CALD1: variants seen among roughly 807,000 people sequenced by gnomAD.
CALD1 encodes the protein caldesmon.
In CALD1, 33 loss-of-function variants were observed where a neutral mutation model predicts 99.9. The ratio of observed to expected loss-of-function variants is 0.33; its 90% CI spans 0.25 to 0.44. The LOEUF (loss-of-function observed/expected upper bound fraction) is 0.44, where lower values mean the gene tolerates loss of function less well. Ranked by LOEUF, CALD1 falls within the 20% of genes least tolerant of loss-of-function variation. The pLI is 1.00. For synonymous variants in CALD1, 310 were observed against 325.0 expected (o/e 0.95, Z 0.50); for missense variants, 861 against 962.1 (o/e 0.89, Z 1.39).
chr7:134,904,435 G>T (rs543664421), intron 3 of CALD1, among the ~76,000 whole-genome samples: 18 of 151,984 alleles, frequency 1.2e-4, no homozygotes, highest in African/African-American at 4.4e-4. Context: ...AAAAAAATTA[G>T]CTGGGCATGG....
At chr7:134,952,085 G>A (rs908183270) in intron 9 of CALD1, among the ~76,000 whole-genome samples, 2 of 152,154 alleles carry the variant, frequency 1.3e-5, no homozygotes, top group Non-Finnish European at 2.9e-5. Context: ...TGGATCACCT[G>A]AGGTCAGGAG....
intron 3 of CALD1, among the ~76,000 whole-genome samples, chr7:134,924,082 A>G (rs1321205296): frequency 6.6e-6 from 1 of 152,238 alleles, no homozygotes; most frequent in Non-Finnish European, 1.5e-5. Flanking sequence ...TATTGAAATT[A>G]TATATTGCTA....
the CALD1 span, among the ~76,000 whole-genome samples, chr7:134,713,877 T>C: frequency 6.6e-6 from 1 of 152,132 alleles, no homozygotes; most frequent in Non-Finnish European, 1.5e-5. Context: ...GGAGGGTTGG[T>C]GATACGGTTT....
chr7:134,813,629 A>T (rs999243128), intron 1 of CALD1, among the ~76,000 whole-genome samples: 1 of 152,190 alleles, frequency 6.6e-6, no homozygotes, highest in African/African-American at 2.4e-5. Flanking sequence ...TCTCAGTTCA[A>T]TAAGGAAGCA....
At chr7:134,906,589 G>C (rs1409684475) in intron 3 of CALD1, among the ~76,000 whole-genome samples, 3 of 152,170 alleles carry the variant, frequency 2.0e-5, no homozygotes, top group African/African-American at 7.2e-5. Context: ...AAGTAAGATT[G>C]GCTGGACCTG....
chr7:134,749,725 C>T (rs1463328034), intron 1 of CALD1, among the ~76,000 whole-genome samples: 1 of 152,122 alleles, frequency 6.6e-6, no homozygotes, highest in Non-Finnish European at 1.5e-5. Context: ...CATTCTAACA[C>T]CATGAAGGAA....
chr7:134,838,836 A>G (rs1165464649), intron 1 of CALD1, among the ~76,000 whole-genome samples: 1 of 152,160 alleles, frequency 6.6e-6, no homozygotes, highest in Admixed American at 6.5e-5. Flanking sequence ...TCCTGATTTT[A>G]TATATTTTGA....
At chr7:134,789,277 C>T (rs1797428358) in intron 1 of CALD1, among the ~76,000 whole-genome samples, 1 of 151,988 alleles carries the variant, frequency 6.6e-6, no homozygotes, top group African/African-American at 2.4e-5. Context: ...AGCTAAGGTC[C>T]CACAGCTAGT....
intron 3 of CALD1, among the ~76,000 whole-genome samples, chr7:134,890,396 T>C (rs540062528): frequency 6.6e-6 from 1 of 152,342 alleles, no homozygotes; most frequent in Admixed American, 6.5e-5. Context: ...CTTGTCTGCG[T>C]GTGACATGAA....
the CALD1 span, among the ~76,000 whole-genome samples, chr7:134,736,481 C>T: frequency 1.1e-4 from 17 of 152,158 alleles, no homozygotes; most frequent in Non-Finnish European, 8.8e-5. Context: ...GCAATAGGAC[C>T]TCTCTCTTTC....
chr7:134,866,328 G>C (rs1352620130), intron 2 of CALD1, among the ~76,000 whole-genome samples: 1 of 152,006 alleles, frequency 6.6e-6, no homozygotes, highest in African/African-American at 2.4e-5. Context: ...AAGTACTCTT[G>C]GTAAGAGTAA....
At chr7:134,944,034 C>T (rs73728012) in intron 7 of CALD1, among the ~76,000 whole-genome samples, 4,088 of 152,176 alleles carry the variant, frequency 0.027, 167 homozygotes, top group African/African-American at 0.093. Flanking sequence ...TGTGTTTTGC[C>T]GGTCCAGTTC....
chr7:134,839,075 A>C (rs1035476749), intron 1 of CALD1, among the ~76,000 whole-genome samples: 2 of 150,460 alleles, frequency 1.3e-5, no homozygotes, highest in Non-Finnish European at 2.9e-5. Flanking sequence ...ATGTCCCTTC[A>C]GAGTCATGCC....
intron 1 of CALD1, among the ~76,000 whole-genome samples, chr7:134,828,681 A>G (rs1044985048): frequency 6.6e-6 from 1 of 152,174 alleles, no homozygotes; most frequent in Non-Finnish European, 1.5e-5. Context: ...TCTTAGGAAA[A>G]TCCAATGAGA....
At chr7:134,828,342 A>G (rs1221402695) in intron 1 of CALD1, among the ~76,000 whole-genome samples, 2 of 152,210 alleles carry the variant, frequency 1.3e-5, no homozygotes, top group Admixed American at 1.3e-4. Flanking sequence ...CACTGATCCA[A>G]AAAGAATTCG....
intron 1 of CALD1, among the ~76,000 whole-genome samples, chr7:134,766,500 G>A (rs1796828156): frequency 6.6e-6 from 1 of 152,166 alleles, no homozygotes; most frequent in Non-Finnish European, 1.5e-5. Flanking sequence ...ATGCTAGAAT[G>A]GCCTAATACA....
chr7:134,745,010 C>T (rs59180257), intron 1 of CALD1, among the ~76,000 whole-genome samples: 84,729 of 151,994 alleles, frequency 0.56, 24,909 homozygotes, highest in East Asian at 0.86. Flanking sequence ...ATAAGCTCCA[C>T]GAAGGCAAGA....
At chr7:134,798,161 C>T (rs1797817567) in intron 1 of CALD1, among the ~76,000 whole-genome samples, 1 of 152,176 alleles carries the variant, frequency 6.6e-6, no homozygotes, top group Admixed American at 6.5e-5. Flanking sequence ...GTAATGTTCA[C>T]ATTGTAGCTA....
At chr7:134,924,224 T>A (rs908200107) in intron 3 of CALD1, among the ~76,000 whole-genome samples, 1 of 152,210 alleles carries the variant, frequency 6.6e-6, no homozygotes. Flanking sequence ...ATATATCACA[T>A]ACTCATCATG....
Sources: gnomAD v4.1 joint callset for allele counts (sites outside exome capture counted in the v4.1 genomes callset) on GRCh38, gnomAD v4.1.1 for gene constraint, MANE v1.5 for transcripts, NCBI Gene and HGNC (gene_info 2026-07-23, HGNC 2026-07-21) for gene names.